The following CENPC variants were observed in gnomAD, a reference collection of about 807,000 sequenced individuals.
CENPC encodes CENP-C 1.
In CENPC, 63 loss-of-function variants were observed where a neutral mutation model predicts 112.1. The ratio of observed to expected loss-of-function variants is 0.56; its 90% confidence interval spans 0.46 to 0.69. CENPC has a LOEUF of 0.69. CENPC is among the 30% of genes least tolerant of loss of function. CENPC has a pLI of 0.00. For synonymous variants in CENPC, 333 were observed against 367.6 expected, an observed-to-expected ratio of 0.91 and a Z score of 1.08; for missense variants, 1,000 against 1,103.8, an observed-to-expected ratio of 0.91 and a Z score of 1.33.
At chr4:67,533,269 T>C (rs1470933394) in intron 4 of CENPC, among the ~76,000 whole-genome samples, 1 of 152,230 alleles carries the variant, frequency 6.6e-6, no homozygotes, top group Non-Finnish European at 1.5e-5. Flanking sequence ...TTTTGCTTCT[T>C]CCTCATTTTT....
At chr4:67,510,464 G>T (rs555302518) in intron 9 of CENPC, among the ~76,000 whole-genome samples, 1 of 152,238 alleles carries the variant, frequency 6.6e-6, no homozygotes, top group African/African-American at 2.4e-5. Flanking sequence ...TAATTGATTG[G>T]TATTTTATCT....
intron 12 of CENPC, chr4:67,504,927 A>T (rs2109792464): frequency 2.8e-6 from 1 of 361,174 alleles, no homozygotes; most frequent in Admixed American, 4.6e-5. Context: ...CAGATCACTA[A>T]TCTGCTTCAT....
intron 12 of CENPC, among the ~76,000 whole-genome samples, chr4:67,498,548 G>A (rs1560426746): frequency 1.3e-5 from 2 of 152,138 alleles, no homozygotes. Context: ...CATTTCAAGG[G>A]TTCACAACAT....
chr4:67,507,189 A>G (rs1725760034), intron 10 of CENPC, among the ~76,000 whole-genome samples: 1 of 152,174 alleles, frequency 6.6e-6, no homozygotes, highest in Admixed American at 6.6e-5. Context: ...TGAAAGGGAC[A>G]TAAGGAGACC....
intron 2 of CENPC, 44 bp downstream of exon 2, chr4:67,544,105 G>C (rs780826169): frequency 1.0e-6 from 1 of 994,496 alleles, no homozygotes; most frequent in Non-Finnish European, 1.6e-6. Flanking sequence ...ATCTATTAAC[G>C]ATGAGAATAA....
chr4:67,519,573 A>T (rs577622800), intron 5 of CENPC, 71 bp from the exon 6 acceptor site: 1 of 1,018,480 alleles, frequency 9.8e-7, no homozygotes, highest in East Asian at 2.8e-5. Flanking sequence ...GCTTTTTAAA[A>T]ATTCTGCAAT....
chr4:67,514,253 C>T lies in CENPC; in HGVS notation c.1265G>A (p.Arg422Lys). 1 of 1,612,344 alleles carries T rather than the reference C, an allele frequency of 6.2e-7. No homozygotes were observed. Residue 422 changes from arginine to lysine, a missense_variant, in exon 8 of 19, where the codon AGA becomes AAA. Coordinates refer to ENST00000273853, the MANE Select transcript of CENPC (RefSeq NM_001812.4). Reference sequence around the variant, plus strand: ...AGCTGGTTTAGCCATGAATTTTCTTCTCTGTTTTTGTTTTATAGTCCTTTT... The same window carrying T: ...AGCTGGTTTAGCCATGAATTTTCTTTTCTGTTTTTGTTTTATAGTCCTTTT... ...RSKRTIKQKQ[R>K]RKFMAKPAEE...
At chr4:67,516,752 TG>T (rs1270922773) in intron 7 of CENPC, among the ~76,000 whole-genome samples, 1 of 152,014 alleles carries the variant, frequency 6.6e-6, no homozygotes, top group East Asian at 1.9e-4. Context: ...TAGGGAAAGA[TG>T]GCTTCTAATT....
intron 13 of CENPC, 48 bp from the exon 14 acceptor site, chr4:67,494,036 G>T: frequency 8.6e-7 from 1 of 1,159,572 alleles, no homozygotes; most frequent in East Asian, 2.5e-5. Context: ...TTTAGTTGAT[G>T]GTACTTAGCA....
intron 1 of CENPC, among the ~76,000 whole-genome samples, chr4:67,544,451 A>T (rs140756555): frequency 1.2e-4 from 18 of 152,326 alleles, no homozygotes; most frequent in Non-Finnish European, 2.5e-4. Context: ...TTCTGATTAT[A>T]TATAATGTAA....
chr4:67,485,901 G>T (rs938605432), intron 17 of CENPC, among the ~76,000 whole-genome samples: 1 of 152,092 alleles, frequency 6.6e-6, no homozygotes, highest in Non-Finnish European at 1.5e-5. Context: ...ATGGCAAAGG[G>T]GGGGAGTTTG....
At chr4:67,490,196 T>C (rs1725203018) in intron 16 of CENPC, 75 bp from the exon 17 acceptor site, 1 of 959,024 alleles carries the variant, frequency 1.0e-6, no homozygotes, top group Non-Finnish European at 1.5e-6. Flanking sequence ...CACATATATA[T>C]AATAAAGAGT....
At position 67,492,920 on chromosome 4, in the gene CENPC, C is replaced by T. The variant is rs1725323413; in HGVS notation, c.2368G>A (p.Val790Ile). ...CTTTTCTTATTAGATTTTTTGTTGA[C>T]TTTTCCAATATTTTCTTTTGCCTTC... ...KRKAKENIGK[V>I]NKKSNKKRIC... is the part of the protein sequence containing the mutation. The change falls in exon 15 of 19, where the codon GTC (valine) becomes ATC (isoleucine). Residue 790 changes from valine to isoleucine, a missense_variant. Coordinates refer to ENST00000273853, the MANE Select transcript of CENPC (RefSeq NM_001812.4). 1 of 1,567,180 alleles carries T rather than the reference C, an allele frequency of 6.4e-7. No homozygotes were observed. Among genetic ancestry groups the T allele is most frequent in the Non-Finnish European group, 8.7e-7 (1 of 1,153,688 alleles).
chr4:67,475,238 A>G (rs1264457514), intron 17 of CENPC, among the ~76,000 whole-genome samples: 1 of 152,250 alleles, frequency 6.6e-6, no homozygotes, highest in Non-Finnish European at 1.5e-5. Flanking sequence ...CAGAGAAGAA[A>G]CGAAAGAGAA....
At chr4:67,510,320 T>C (rs1011300476) in intron 9 of CENPC, among the ~76,000 whole-genome samples, 14 of 152,184 alleles carry the variant, frequency 9.2e-5, no homozygotes, top group African/African-American at 3.1e-4. Flanking sequence ...CTCAATCACT[T>C]AGCTAACTCC....
intron 17 of CENPC, among the ~76,000 whole-genome samples, chr4:67,476,682 C>A (rs1412268085): frequency 6.6e-6 from 1 of 152,088 alleles, no homozygotes; most frequent in African/African-American, 2.4e-5. Flanking sequence ...GGGGGAAGGG[C>A]GAATAGGAAG....
chr4:67,491,511 A>AGAGAGAGAGAGAGG lies in CENPC; in HGVS notation c.2515+668_2515+669insCCTCTCTCTCTCTC, dbSNP rs1553893241. Among the ~76,000 whole-genome samples the AGAGAGAGAGAGAGG allele has an allele frequency of 4.5e-4, 52 of 114,538 alleles. 3 individuals carry two copies. The highest frequency in any genetic ancestry group is 4.6e-3 in the Middle Eastern group (1 of 218). The allele number at this position is 114,538 out of a possible 152,430, so 75.1% of individuals were successfully genotyped here. ...GAGAGAGAGAGAGAGAGAGAGAGAG[A>AGAGAGAGAGAGAGG]GAGAGAGAGAGAGAGAGCCTGGTTG... is the stretch of plus-strand genomic sequence containing the variant. On this transcript the variant is annotated intron_variant, in intron 16 of 18. Coordinates refer to ENST00000273853, the MANE Select transcript of CENPC (RefSeq NM_001812.4).
chr4:67,535,440 G>GA (rs995961600), intron 4 of CENPC, among the ~76,000 whole-genome samples: 22 of 145,104 alleles, frequency 1.5e-4, no homozygotes, highest in Admixed American at 1.4e-4. Context: ...GTAGATTGAA[G>GA]AAAAAAAAAA....
intron 12 of CENPC, among the ~76,000 whole-genome samples, chr4:67,498,192 AC>A (rs1452323451): frequency 6.6e-6 from 1 of 152,160 alleles, no homozygotes; most frequent in African/African-American, 2.4e-5. Flanking sequence ...CCGAGATCAC[AC>A]CACTGCACTC....
Sources: gnomAD v4.1 joint callset for allele counts (sites outside exome capture counted in the v4.1 genomes callset) on GRCh38, gnomAD v4.1.1 for gene constraint, MANE v1.5 for transcripts, NCBI Gene and HGNC (gene_info 2026-07-23, HGNC 2026-07-21) for gene names.